GABRG3: variants seen among roughly 807,000 people sequenced by gnomAD.
GABRG3 encodes gamma-aminobutyric acid type A receptor subunit gamma3.
GABRG3 carries 25 observed loss-of-function variants against 48.8 expected under a neutral mutation model. That is an observed-to-expected ratio of 0.51 (90% CI 0.37 to 0.72). GABRG3 has a LOEUF of 0.72. Ranked by LOEUF, GABRG3 falls within the 30% of genes least tolerant of loss-of-function variation. GABRG3 has a pLI of 0.00. For missense variants in GABRG3, 394 were observed against 577.9 expected, an observed-to-expected ratio of 0.68 and a Z score of 3.26; for synonymous variants, 227 against 217.6, an observed-to-expected ratio of 1.04 and a Z score of -0.38.
At chr15:27,196,472 A>G (rs529215007) in intron 3 of GABRG3, among the ~76,000 whole-genome samples, 29 of 152,190 alleles carry the variant, frequency 1.9e-4, no homozygotes, top group Admixed American at 1.4e-3. Flanking sequence ...TTTTTTGCCT[A>G]TCAAATTATG....
At chr15:27,373,853 T>C (rs1268570055) in intron 5 of GABRG3, among the ~76,000 whole-genome samples, 1 of 152,136 alleles carries the variant, frequency 6.6e-6, no homozygotes, top group African/African-American at 2.4e-5. Context: ...GTTCTCCTGA[T>C]CAGGTCAGCT....
intron 3 of GABRG3, among the ~76,000 whole-genome samples, chr15:27,245,544 C>T (rs1219755467): frequency 6.6e-6 from 1 of 152,166 alleles, no homozygotes; most frequent in Non-Finnish European, 1.5e-5. Context: ...GTCTGTTTTG[C>T]ACTGCTATTA....
At chr15:27,250,755 G>A (rs529325471) in intron 3 of GABRG3, among the ~76,000 whole-genome samples, 1 of 152,314 alleles carries the variant, frequency 6.6e-6, no homozygotes, top group East Asian at 1.9e-4. Flanking sequence ...GACAGTGCCC[G>A]TGACAAGAGT....
chr15:27,307,864 T>C (rs1271593387), intron 3 of GABRG3, among the ~76,000 whole-genome samples: 1 of 134,220 alleles, frequency 7.5e-6, no homozygotes, highest in East Asian at 2.3e-4. Context: ...TATATAAATA[T>C]ATATAAATGT....
At chr15:26,983,349 C>T (rs1230595549) in intron 2 of GABRG3, among the ~76,000 whole-genome samples, 1 of 152,154 alleles carries the variant, frequency 6.6e-6, no homozygotes, top group Non-Finnish European at 1.5e-5. Flanking sequence ...CCCCGGGAGG[C>T]TCTCCACACT....
chr15:27,286,941 C>T (rs1595639889), intron 3 of GABRG3, among the ~76,000 whole-genome samples: 2 of 152,220 alleles, frequency 1.3e-5, no homozygotes, highest in South Asian at 2.1e-4. Context: ...GTGTAATAGG[C>T]GACTGAAGTG....
intron 3 of GABRG3, among the ~76,000 whole-genome samples, chr15:27,308,933 C>CATATATATATATGTAATT (rs1364206528): frequency 3.4e-5 from 5 of 145,438 alleles, no homozygotes; most frequent in African/African-American, 1.4e-4. Context: ...TATATGAAAA[C>CATATATATATATGTAATT]ACATATAATG....
In GABRG3 at chr15:27,535,800, G is replaced by A. The variant is rs1891534409; in HGVS notation, c.*2919G>A. Reference sequence around the variant, plus strand: ...CAGAGCTCAGGGGATTTTTAATCATGTACATGTTTACTTTCTAGAGGAAGG... The same window carrying A: ...CAGAGCTCAGGGGATTTTTAATCATATACATGTTTACTTTCTAGAGGAAGG... On this transcript the variant is annotated 3_prime_UTR_variant, in exon 10 of 10. Transcript: ENST00000615808. The A allele has an allele frequency of 6.6e-6, 1 of 152,232 alleles. No homozygotes were observed. Among genetic ancestry groups the A allele is most frequent in the African/African-American group, 2.4e-5 (1 of 41,422 alleles). The allele number at this position is 152,232 out of a possible 1,614,324, so 9.4% of individuals were successfully genotyped here. A position where few individuals can be genotyped will look rare whatever the true frequency, so the allele number is the denominator to read the frequency against.
chr15:27,086,776 T>C (rs965735363), intron 3 of GABRG3, among the ~76,000 whole-genome samples: 6 of 152,198 alleles, frequency 3.9e-5, no homozygotes, highest in African/African-American at 1.2e-4. Flanking sequence ...TGTAGCAGTT[T>C]CTGGTGGGGA....
chr15:27,253,058 G>A lies in GABRG3; in HGVS notation c.271-73751G>A, dbSNP rs75479434. The stretch of plus-strand genomic sequence containing the variant: ...GCCTTGCACGTTTAGACACCACGCC[G>A]AATCGATGCTGCCTATGGCAGGCTC... On this transcript the variant is annotated intron_variant, in intron 3 of 9. Coordinates refer to ENST00000615808, the MANE Select transcript of GABRG3 (RefSeq NM_033223.5). Among the ~76,000 whole-genome samples, 827 of 152,298 alleles carry A rather than the reference G, an allele frequency of 5.4e-3. 21 individuals carry two copies. In the East Asian group the frequency reaches 0.066, roughly 12 times the overall value.
intron 5 of GABRG3, among the ~76,000 whole-genome samples, chr15:27,446,696 A>G (rs770145622): frequency 6.6e-6 from 1 of 152,100 alleles, no homozygotes; most frequent in Non-Finnish European, 1.5e-5. Flanking sequence ...ATTGTTGTTT[A>G]TATAAATACA....
At chr15:27,282,862 CTAAAAT>C (rs1891482109) in intron 3 of GABRG3, among the ~76,000 whole-genome samples, 1 of 152,138 alleles carries the variant, frequency 6.6e-6, no homozygotes, top group South Asian at 2.1e-4. Context: ...CAGTCCTCTG[CTAAAAT>C]CGTGCTAGGT....
chr15:27,406,502 T>A (rs72705739), intron 5 of GABRG3, among the ~76,000 whole-genome samples: 6 of 152,144 alleles, frequency 3.9e-5, no homozygotes, highest in African/African-American at 1.2e-4. Flanking sequence ...GCAAATCACC[T>A]CTGTGGTAGC....
chr15:27,124,133 A>G (rs1897777988), intron 3 of GABRG3, among the ~76,000 whole-genome samples: 1 of 152,168 alleles, frequency 6.6e-6, no homozygotes, highest in Non-Finnish European at 1.5e-5. Flanking sequence ...GTCTGTGTGG[A>G]TATCTTCTTA....
In GABRG3 at chr15:27,311,466, C is replaced by A. The variant is rs1442059537; in HGVS notation, c.271-15343C>A. 2.0e-5 allele frequency among the ~76,000 whole-genome samples: 3 copies of A among 152,096 alleles called. No individual in the cohort carries two copies. In the East Asian group the frequency reaches 5.8e-4, roughly 29 times the overall value. Reference sequence around the variant, plus strand: ...CAGAGTGCTGATGCACCTGCATCATCTAGCCACCCACAAGTAAGTGAGAAC... The same window carrying A: ...CAGAGTGCTGATGCACCTGCATCATATAGCCACCCACAAGTAAGTGAGAAC... On this transcript the variant is annotated intron_variant, in intron 3 of 9. Coordinates refer to ENST00000615808, the MANE Select transcript of GABRG3 (RefSeq NM_033223.5).
intron 6 of GABRG3, among the ~76,000 whole-genome samples, chr15:27,507,373 G>A (rs778877717): frequency 2.0e-5 from 3 of 152,084 alleles, no homozygotes; most frequent in East Asian, 1.9e-4. Flanking sequence ...GCGTGGTGGT[G>A]TGAGCCTGTA....
At chr15:27,199,522 G>A (rs1000962867) in intron 3 of GABRG3, among the ~76,000 whole-genome samples, 1 of 152,132 alleles carries the variant, frequency 6.6e-6, no homozygotes, top group African/African-American at 2.4e-5. Flanking sequence ...GGGTCATGGA[G>A]GTGGATCCCT....
chr15:27,106,175 A>G (rs1352238859), intron 3 of GABRG3, among the ~76,000 whole-genome samples: 2 of 152,136 alleles, frequency 1.3e-5, no homozygotes. Context: ...AAGTAGCAAT[A>G]TGTAGGATGA....
intron 3 of GABRG3, among the ~76,000 whole-genome samples, chr15:27,155,775 G>A (rs565659865): frequency 2.0e-5 from 3 of 152,160 alleles, no homozygotes; most frequent in South Asian, 2.1e-4. Context: ...CTGCTTCCAC[G>A]TGGTCTCCAA....
Sources: gnomAD v4.1 joint callset for allele counts (sites outside exome capture counted in the v4.1 genomes callset) on GRCh38, gnomAD v4.1.1 for gene constraint, MANE v1.5 for transcripts, NCBI Gene and HGNC (gene_info 2026-07-23, HGNC 2026-07-21) for gene names.